PHACTR1: variants seen among roughly 807,000 people sequenced by gnomAD.
PHACTR1 encodes the protein RPEL repeat containing 1.
A neutral mutation model predicts 69.2 loss-of-function variants in PHACTR1; 16 were observed. That is an observed-to-expected ratio of 0.23 (90% CI 0.16 to 0.35). The LOEUF is 0.35. Ranked by LOEUF, PHACTR1 falls within the 10% of genes least tolerant of loss-of-function variation. The pLI is 1.00. For synonymous variants in PHACTR1, 312 were observed against 284.5 expected (o/e 1.10, Z -0.97); for missense variants, 510 against 734.7 (o/e 0.69, Z 3.54).
intron 4 of PHACTR1, among the ~76,000 whole-genome samples, chr6:12,937,537 G>A (rs1789597879): frequency 1.3e-5 from 2 of 152,136 alleles, no homozygotes; most frequent in Non-Finnish European, 2.9e-5. Flanking sequence ...TTATGTTCCA[G>A]GGGAGGGATA....
intron 4 of PHACTR1, among the ~76,000 whole-genome samples, chr6:12,978,692 C>CT (rs556827662): frequency 2.8e-4 from 42 of 152,284 alleles, no homozygotes; most frequent in Non-Finnish European, 5.0e-4. Flanking sequence ...GCAGTGCCTG[C>CT]TAGGACGGTG....
In PHACTR1 at chr6:12,717,493, T is replaced by G. The variant is rs1761540352; in HGVS notation, c.-281-16T>G. 1 of 152,130 alleles carries G rather than the reference T, an allele frequency of 6.6e-6. No homozygotes were observed. The allele number at this position is 152,130 out of a possible 1,614,324, so 9.4% of individuals were successfully genotyped here. On this transcript the variant is annotated splice_polypyrimidine_tract_variant and intron_variant, in intron 1 of 14. Coordinates refer to ENST00000332995, the MANE Select transcript of PHACTR1 (RefSeq NM_030948.6). ...AAAGTTTTACACGGGAAACTGGTAATTTTCTCCCTTCGCAGGGGAGGGTGC... is the reference window on the plus strand; with the variant it reads ...AAAGTTTTACACGGGAAACTGGTAAGTTTCTCCCTTCGCAGGGGAGGGTGC...
At chr6:12,975,253 G>A (rs907592505) in intron 4 of PHACTR1, among the ~76,000 whole-genome samples, 4 of 152,174 alleles carry the variant, frequency 2.6e-5, no homozygotes, top group African/African-American at 4.8e-5. Flanking sequence ...GCAATGTTTA[G>A]CAGCATAAAC....
At chr6:13,058,656 G>A (rs1488807700) in intron 5 of PHACTR1, among the ~76,000 whole-genome samples, 3 of 152,134 alleles carry the variant, frequency 2.0e-5, no homozygotes, top group Non-Finnish European at 4.4e-5. Context: ...AAGGAGAGGG[G>A]GGACTTCACT....
At chr6:13,162,213 C>A (rs1759132581) in intron 6 of PHACTR1, among the ~76,000 whole-genome samples, 1 of 152,146 alleles carries the variant, frequency 6.6e-6, no homozygotes, top group Admixed American at 6.5e-5. Flanking sequence ...GGATCTCCTG[C>A]CTCAGCCTCT....
chr6:12,752,475 A>G (rs1029125351), intron 4 of PHACTR1, among the ~76,000 whole-genome samples: 1 of 152,172 alleles, frequency 6.6e-6, no homozygotes, highest in Non-Finnish European at 1.5e-5. Flanking sequence ...TATTCTTTCC[A>G]GAGAAATTTT....
intron 4 of PHACTR1, among the ~76,000 whole-genome samples, chr6:12,788,977 A>G (rs192474472): frequency 2.0e-5 from 3 of 152,310 alleles, no homozygotes; most frequent in Admixed American, 2.0e-4. Context: ...AAAGGAAGAA[A>G]TCATTCCAGG....
intron 5 of PHACTR1, among the ~76,000 whole-genome samples, chr6:13,136,162 A>T (rs937111944): frequency 4.6e-5 from 7 of 152,074 alleles, no homozygotes; most frequent in African/African-American, 1.7e-4. Context: ...TTTTGACCCA[A>T]AAGTATTCTA....
chr6:12,948,631 C>T (rs1790930201), intron 4 of PHACTR1, among the ~76,000 whole-genome samples: 1 of 152,154 alleles, frequency 6.6e-6, no homozygotes, highest in African/African-American at 2.4e-5. Flanking sequence ...TAATAATGGT[C>T]AAGATTTAAA....
In PHACTR1 at chr6:12,849,505, C is replaced by T. The variant is rs573480079; in HGVS notation, c.250+99715C>T. Among the ~76,000 whole-genome samples, 6 of 152,254 alleles carry T rather than the reference C, an allele frequency of 3.9e-5. No homozygotes were observed. In the South Asian group the frequency reaches 8.3e-4, roughly 21 times the overall value. ...GGAAGAGAAAAAATAGTCTAGATAG[C>T]ACACAGTAATGGTAGTGGACAGGCT... On this transcript the variant is annotated intron_variant, in intron 4 of 14. Coordinates refer to ENST00000332995, the MANE Select transcript of PHACTR1 (RefSeq NM_030948.6).
At chr6:13,263,883 G>A (rs1205131485) in intron 10 of PHACTR1, among the ~76,000 whole-genome samples, 2 of 152,180 alleles carry the variant, frequency 1.3e-5, no homozygotes, top group African/African-American at 4.8e-5. Context: ...AGCTTTCTAT[G>A]TTAACCAGTA....
intron 4 of PHACTR1, among the ~76,000 whole-genome samples, chr6:12,801,596 G>A (rs1773713078): frequency 6.6e-6 from 1 of 152,130 alleles, no homozygotes; most frequent in African/African-American, 2.4e-5. Context: ...CAGAGAAGGA[G>A]CTAAGAAGTC....
At chr6:12,879,452 C>T (rs1253416221) in intron 4 of PHACTR1, among the ~76,000 whole-genome samples, 1 of 152,120 alleles carries the variant, frequency 6.6e-6, no homozygotes, top group Non-Finnish European at 1.5e-5. Flanking sequence ...TCTGCATTTA[C>T]ACTCACCTTC....
In PHACTR1 at chr6:12,949,036, C is replaced by T. The variant is rs143034985; in HGVS notation, c.251-104329C>T. Among the ~76,000 whole-genome samples, 425 of 152,066 alleles carry T rather than the reference C, an allele frequency of 2.8e-3. 10 individuals are homozygous for T. Among genetic ancestry groups the T allele is most frequent in the Admixed American group, 0.023 (359 of 15,278 alleles). ...CTGTAATCCCAGCACTTTTGGAGGC[C>T]GAGGCGGGCAGATCACCTGAAGTCA... is the stretch of plus-strand genomic sequence containing the variant. On this transcript the variant is annotated intron_variant, in intron 4 of 14. Coordinates refer to ENST00000332995, the MANE Select transcript of PHACTR1 (RefSeq NM_030948.6).
At chr6:12,992,671 G>A (rs1012306532) in intron 4 of PHACTR1, among the ~76,000 whole-genome samples, 3 of 152,136 alleles carry the variant, frequency 2.0e-5, no homozygotes, top group Non-Finnish European at 2.9e-5. Context: ...AATTGAGGAC[G>A]CAGATGCACA....
intron 5 of PHACTR1, among the ~76,000 whole-genome samples, chr6:13,156,946 C>G (rs2113506077): frequency 6.6e-6 from 1 of 152,326 alleles, no homozygotes; most frequent in Middle Eastern, 3.4e-3. Flanking sequence ...TGCCTAGATG[C>G]CTGTAATCAC....
At chr6:13,027,427 T>G (rs1409252744) in intron 4 of PHACTR1, among the ~76,000 whole-genome samples, 2 of 152,188 alleles carry the variant, frequency 1.3e-5, no homozygotes, top group Non-Finnish European at 2.9e-5. Context: ...GTGGTCTGGC[T>G]AGTCCTCGGG....
intron 4 of PHACTR1, among the ~76,000 whole-genome samples, chr6:12,971,309 A>G (rs1482700296): frequency 2.6e-5 from 4 of 152,298 alleles, no homozygotes; most frequent in Non-Finnish European, 5.9e-5. Context: ...CTCTTTGCAC[A>G]TCATACTTAG....
At chr6:13,075,258 T>G (rs1217493885) in intron 5 of PHACTR1, among the ~76,000 whole-genome samples, 1 of 152,124 alleles carries the variant, frequency 6.6e-6, no homozygotes, top group Non-Finnish European at 1.5e-5. Flanking sequence ...ATAGTCTCAT[T>G]TTGTGGAAGA....
Sources: allele counts gnomAD v4.1 joint callset (sites outside exome capture counted in the v4.1 genomes callset), GRCh38; gene constraint gnomAD v4.1.1; transcripts MANE v1.5; gene names NCBI Gene and HGNC (gene_info 2026-07-23, HGNC 2026-07-21).